Variants in PISD observed in about 807,000 individuals in gnomAD.
PISD encodes the protein phosphatidylserine decarboxylase proenzyme, mitochondrial.
PISD carries 31 observed loss-of-function variants against 43.5 expected under a neutral mutation model. The ratio of observed to expected loss-of-function variants is 0.71; its 90% CI spans 0.54 to 0.96. The LOEUF is 0.96. Ranked by LOEUF, PISD falls within the 40% of genes least tolerant of loss-of-function variation. PISD has a pLI of 0.00. For synonymous variants in PISD, 259 were observed against 228.7 expected (o/e 1.13, Z -1.20); for missense variants, 523 against 548.4 (o/e 0.95, Z 0.46).
chr22:31,629,598 G>A (rs909682260), intron 3 of PISD: 8 of 148,752 alleles, frequency 5.4e-5, no homozygotes, highest in Admixed American at 4.0e-4. Flanking sequence ...AGGTGCAAGG[G>A]GTGTGTGTAG....
At position 31,642,854 on chromosome 22, in the gene PISD, GCA is replaced by G. The variant is rs201750961; in HGVS notation, c.321+5245_321+5246del. ...GTGGTGGCTCACACCTGTAATCCCA[GCA>G]CTTTGGGAGGCTGAGGCGGGCGGAT... is the stretch of plus-strand genomic sequence containing the variant. On this transcript the variant is annotated intron_variant, in intron 3 of 7. Transcript: ENST00000439502. Among the ~76,000 whole-genome samples the G allele has an allele frequency of 7.1e-3, 1,037 of 145,936 alleles. 6 individuals carry two copies. The highest frequency in any genetic ancestry group is 0.026 in the African/African-American group (953 of 36,760).
chr22:31,661,814 A>G, intron 1 of PISD, among the ~76,000 whole-genome samples: 1 of 152,176 alleles, frequency 6.6e-6, no homozygotes, highest in East Asian at 1.9e-4. Context: ...TACGAAAACG[A>G]ACACACGAGA....
At chr22:31,658,216 A>G (rs1160473579) in intron 1 of PISD, among the ~76,000 whole-genome samples, 1 of 152,186 alleles carries the variant, frequency 6.6e-6, no homozygotes, top group Non-Finnish European at 1.5e-5. Flanking sequence ...TCTACATCGC[A>G]TCCTTCAAGT....
intron 2 of PISD, among the ~76,000 whole-genome samples, chr22:31,648,783 C>T (rs539466343): frequency 2.0e-5 from 3 of 152,172 alleles, no homozygotes; most frequent in Admixed American, 1.3e-4. Flanking sequence ...TCTGTCAGTA[C>T]GTACAGGACA....
At chr22:31,634,127 G>A (rs1198098486) in intron 3 of PISD, among the ~76,000 whole-genome samples, 1 of 152,232 alleles carries the variant, frequency 6.6e-6, no homozygotes, top group Non-Finnish European at 1.5e-5. Flanking sequence ...CTTCTAAGGG[G>A]ATGCCCTGTG....
intron 3 of PISD, among the ~76,000 whole-genome samples, chr22:31,635,302 G>T (rs1378881314): frequency 2.0e-5 from 3 of 152,140 alleles, no homozygotes; most frequent in Admixed American, 6.6e-5. Flanking sequence ...TTGTGTTTAA[G>T]TTCCATGTCT....
chr22:31,645,620 CA>C (rs1255321689), intron 3 of PISD, among the ~76,000 whole-genome samples: 1 of 146,726 alleles, frequency 6.8e-6, no homozygotes, highest in Non-Finnish European at 1.5e-5. Flanking sequence ...TCAGGTGATC[CA>C]CCCGCCTCAG....
intron 3 of PISD, among the ~76,000 whole-genome samples, chr22:31,633,497 C>T (rs949718657): frequency 1.3e-5 from 2 of 152,168 alleles, no homozygotes; most frequent in African/African-American, 2.4e-5. Flanking sequence ...AGGCGGATCA[C>T]GAGGTCAGGA....
At chr22:31,636,168 G>A (rs1008265704) in intron 3 of PISD, among the ~76,000 whole-genome samples, 2 of 152,246 alleles carry the variant, frequency 1.3e-5, no homozygotes, top group Non-Finnish European at 2.9e-5. Context: ...AGGGAGAGAA[G>A]GAGGACACAG....
chr22:31,662,241 C>T (rs748786359), upstream of PISD: 1 of 1,594,600 alleles, frequency 6.3e-7, no homozygotes, highest in Admixed American at 1.7e-5. Context: ...GCCACGCCCC[C>T]TTCACACGCT....
intron 3 of PISD, among the ~76,000 whole-genome samples, chr22:31,645,474 G>A (rs2147776227): frequency 1.3e-5 from 2 of 151,480 alleles, no homozygotes; most frequent in East Asian, 4.0e-4. Context: ...GGAGGCCGAG[G>A]TGGGCGGATC....
At chr22:31,648,054 C>A (rs1355985481) in intron 3 of PISD, 47 bp downstream of exon 3, 2 of 1,518,598 alleles carry the variant, frequency 1.3e-6, no homozygotes, top group South Asian at 1.2e-5. Flanking sequence ...AAGTGACAGA[C>A]AAAGTTTGCT....
intron 3 of PISD, among the ~76,000 whole-genome samples, chr22:31,625,162 G>A (rs972407171): frequency 6.6e-6 from 1 of 152,252 alleles, no homozygotes; most frequent in African/African-American, 2.4e-5. Flanking sequence ...GCTGATAGCA[G>A]CAGAGCAGAC....
intron 1 of PISD, among the ~76,000 whole-genome samples, chr22:31,654,361 C>A (rs1434031750): frequency 2.0e-5 from 3 of 152,130 alleles, no homozygotes; most frequent in African/African-American, 7.2e-5. Context: ...GATCTCTTCT[C>A]TACCTATAAA....
At position 31,621,424 on chromosome 22, in the gene PISD, A is replaced by T; in HGVS notation, c.607T>A (p.Cys203Ser). ...ACCCCCTTTACCTGCTCCACCTCAC[A>T]GTTCTTCACCTGCCCAAAGTTGAGG... ...RILNFGQVKN[C>S]EVEQVKGVTY... Residue 203 changes from cysteine to serine, a missense_variant, in exon 5 of 8, where the codon TGT (cysteine) becomes AGT (serine). Physicochemically the swap from Cys to Ser is moderately radical, Grantham distance 112. Coordinates refer to ENST00000439502, the MANE Select transcript of PISD (RefSeq NM_001326411.2). 2 of 1,614,140 alleles carry T rather than the reference A, an allele frequency of 1.2e-6. No homozygotes were observed. The highest frequency in any genetic ancestry group is 2.7e-5 in the African/African-American group (2 of 75,044).
In PISD at chr22:31,625,601, CAG is replaced by C. The variant is rs1178877644; in HGVS notation, c.322-3718_322-3717del. 6.2e-6 allele frequency: 5 copies of C among 808,102 alleles called. No individual in the cohort carries two copies. In the Admixed American group the frequency reaches 1.2e-4, roughly 20 times the overall value. 50.1% of individuals were successfully genotyped at this position (808,102 alleles called of 1,614,324 possible). ...GATACCTGAAGCGGGCTCTCCGACT[CAG>C]GGTGCTCAGGCCCCCCAGGCCAGGC... On this transcript the variant is annotated intron_variant, in intron 3 of 7. Coordinates refer to ENST00000439502, the MANE Select transcript of PISD (RefSeq NM_001326411.2).
intron 1 of PISD, among the ~76,000 whole-genome samples, chr22:31,661,849 C>A (rs186131176): frequency 3.7e-4 from 56 of 152,306 alleles, no homozygotes; most frequent in African/African-American, 1.2e-3. Flanking sequence ...CATCTGAAAG[C>A]CCTGCCTCGA....
At chr22:31,660,422 G>A (rs1427780108) in intron 1 of PISD, among the ~76,000 whole-genome samples, 41 of 152,302 alleles carry the variant, frequency 2.7e-4, no homozygotes, top group Admixed American at 2.6e-3. Context: ...AGAGGTGAAA[G>A]TGGGTGGATC....
At chr22:31,625,030 C>T (rs555469061) in intron 3 of PISD, among the ~76,000 whole-genome samples, 1 of 152,322 alleles carries the variant, frequency 6.6e-6, no homozygotes, top group Admixed American at 6.5e-5. Context: ...GTCTCAGTTT[C>T]CTCATCTGCA....
Sources: gnomAD v4.1 joint callset for allele counts (sites outside exome capture counted in the v4.1 genomes callset) on GRCh38, gnomAD v4.1.1 for gene constraint, MANE v1.5 for transcripts, NCBI Gene and HGNC (gene_info 2026-07-23, HGNC 2026-07-21) for gene names.